FBXL7: variants seen among roughly 807,000 people sequenced by gnomAD.
The protein encoded by FBXL7 is F-box/LRR-repeat protein 7.
In FBXL7, 12 loss-of-function variants were observed where a neutral mutation model predicts 38.3. That is an observed-to-expected ratio of 0.31 (90% confidence interval 0.20 to 0.51). The LOEUF is 0.51. FBXL7 is among the 20% of genes least tolerant of loss of function. The probability of loss-of-function intolerance (pLI) is 0.98; values close to 1 mark genes in which losing one functional copy is unlikely to be tolerated. For missense variants in FBXL7, 567 were observed against 676.4 expected, an observed-to-expected ratio of 0.84 and a Z score of 1.79; for synonymous variants, 297 against 300.9, an observed-to-expected ratio of 0.99 and a Z score of 0.13.
At chr5:15,509,458 C>T (rs1736734015) in intron 1 of FBXL7, among the ~76,000 whole-genome samples, 1 of 152,116 alleles carries the variant, frequency 6.6e-6, no homozygotes, top group Non-Finnish European at 1.5e-5. Flanking sequence ...CTCTACTTCC[C>T]CAGTGTGCTA....
intron 2 of FBXL7, among the ~76,000 whole-genome samples, chr5:15,698,786 C>T (rs1743426769): frequency 6.6e-6 from 1 of 152,152 alleles, no homozygotes; most frequent in Non-Finnish European, 1.5e-5. Flanking sequence ...AGGTTAAAAT[C>T]AAAGGATAGC....
intron 2 of FBXL7, among the ~76,000 whole-genome samples, chr5:15,864,019 G>T (rs1301752896): frequency 6.6e-6 from 1 of 151,976 alleles, no homozygotes; most frequent in Non-Finnish European, 1.5e-5. Flanking sequence ...TGCTAAGAAT[G>T]GATGAAAATA....
rs541603835 is a variant in FBXL7, at chr5:15,572,920, T to G, written c.38-43063T>G. On this transcript the variant is annotated intron_variant, in intron 1 of 3. Transcript: ENST00000504595. ...AAAGGAAGACCTCTCTTGATTTATG[T>G]TGAACCAGGTTTACCCCTGTAAGCG... Among the ~76,000 whole-genome samples, 5 of 152,302 alleles carry G rather than the reference T, an allele frequency of 3.3e-5. No homozygotes were observed. The East Asian group carries it at 9.7e-4, about 29-fold the overall frequency.
At chr5:15,647,443 G>A (rs183071435) in intron 2 of FBXL7, among the ~76,000 whole-genome samples, 86 of 152,264 alleles carry the variant, frequency 5.6e-4, no homozygotes, top group Non-Finnish European at 9.3e-4. Flanking sequence ...AGTTCCATCT[G>A]TCTCAAATAG....
At chr5:15,676,429 T>C (rs1742656838) in intron 2 of FBXL7, among the ~76,000 whole-genome samples, 1 of 152,218 alleles carries the variant, frequency 6.6e-6, no homozygotes, top group South Asian at 2.1e-4. Flanking sequence ...ACTTTGTAAT[T>C]TGAGAAGCAG....
chr5:15,620,925 T>C (rs1300464478), intron 2 of FBXL7, among the ~76,000 whole-genome samples: 2 of 152,210 alleles, frequency 1.3e-5, no homozygotes, highest in African/African-American at 4.8e-5. Context: ...CCAACCCTAA[T>C]GGTAAAGACA....
At chr5:15,872,535 C>A (rs1378421830) in intron 2 of FBXL7, among the ~76,000 whole-genome samples, 5 of 152,004 alleles carry the variant, frequency 3.3e-5, no homozygotes, top group Non-Finnish European at 1.5e-5. Context: ...TTCAGGAGAC[C>A]CATCTCATGT....
intron 2 of FBXL7, among the ~76,000 whole-genome samples, chr5:15,689,815 G>T: frequency 6.6e-6 from 1 of 152,122 alleles, no homozygotes; most frequent in Non-Finnish European, 1.5e-5. Context: ...AACTAATAAT[G>T]AATATAACTG....
At chr5:15,536,665 A>C (rs2126400653) in intron 1 of FBXL7, among the ~76,000 whole-genome samples, 1 of 152,212 alleles carries the variant, frequency 6.6e-6, no homozygotes, top group South Asian at 2.1e-4. Flanking sequence ...GAAATAACTA[A>C]CTTGCTTTTG....
chr5:15,508,492 G>T (rs1435959686), intron 1 of FBXL7, among the ~76,000 whole-genome samples: 1 of 152,202 alleles, frequency 6.6e-6, no homozygotes, highest in African/African-American at 2.4e-5. Flanking sequence ...TGCCCAAATC[G>T]TAGCTGGGCT....
At chr5:15,742,491 G>A (rs1014853179) in intron 2 of FBXL7, among the ~76,000 whole-genome samples, 6 of 152,134 alleles carry the variant, frequency 3.9e-5, no homozygotes, top group East Asian at 1.9e-4. Flanking sequence ...GTGTAGGCAT[G>A]TGGTAGGCAT....
chr5:15,536,030 T>G (rs1409527501), intron 1 of FBXL7, among the ~76,000 whole-genome samples: 1 of 152,228 alleles, frequency 6.6e-6, no homozygotes, highest in Non-Finnish European at 1.5e-5. Context: ...TCCCACCTGC[T>G]CCAGCTCAGG....
chr5:15,657,792 C>T (rs894343671), intron 2 of FBXL7, among the ~76,000 whole-genome samples: 3 of 151,780 alleles, frequency 2.0e-5, no homozygotes, highest in African/African-American at 7.3e-5. Context: ...GAGCCGAGAT[C>T]ACGGCATTGC....
rs1165744789 is a variant in FBXL7, at chr5:15,938,760, TTA to T, written c.*1576_*1577del. On this transcript the variant is annotated 3_prime_UTR_variant, in exon 4 of 4. Transcript: ENST00000504595. ...TAAATGGATGAAACTTCAAATTATC[TTA>T]TTTGGATAGAAGTCTATATTCTAGC... The T allele has an allele frequency of 5.3e-6, 2 of 379,658 alleles. No homozygotes were observed. The highest frequency in any genetic ancestry group is 4.1e-5 in the African/African-American group (2 of 48,258). 23.5% of individuals were successfully genotyped at this position (379,658 alleles called of 1,614,324 possible). A position where few individuals can be genotyped will look rare whatever the true frequency, so the allele number is the denominator to read the frequency against.
At chr5:15,675,666 G>T (rs1742629454) in intron 2 of FBXL7, among the ~76,000 whole-genome samples, 1 of 152,188 alleles carries the variant, frequency 6.6e-6, no homozygotes, top group Non-Finnish European at 1.5e-5. Context: ...TTAAATACCT[G>T]CTAATATGCG....
At chr5:15,735,301 C>G (rs75465016) in intron 2 of FBXL7, among the ~76,000 whole-genome samples, 13,647 of 152,114 alleles carry the variant, frequency 0.09, 743 homozygotes, top group South Asian at 0.15. Context: ...GATTAATAGA[C>G]TAGGTAGAGA....
intron 3 of FBXL7, among the ~76,000 whole-genome samples, chr5:15,932,347 A>G (rs763896293): frequency 6.6e-6 from 1 of 152,168 alleles, no homozygotes; most frequent in African/African-American, 2.4e-5. Flanking sequence ...GGAAGTCAGC[A>G]GTTGTTCTTC....
At chr5:15,537,277 C>A (rs947713388) in intron 1 of FBXL7, among the ~76,000 whole-genome samples, 1 of 152,118 alleles carries the variant, frequency 6.6e-6, no homozygotes, top group Non-Finnish European at 1.5e-5. Context: ...AATATCTTTT[C>A]ATATGCTTAT....
At chr5:15,707,219 TAAGA>T (rs1743716508) in intron 2 of FBXL7, among the ~76,000 whole-genome samples, 1 of 143,650 alleles carries the variant, frequency 7.0e-6, no homozygotes, top group East Asian at 2.1e-4. Context: ...GCAAGTTTAT[TAAGA>T]AAGTAAAGGA....
Sources: gnomAD v4.1 joint callset for allele counts (sites outside exome capture counted in the v4.1 genomes callset) on GRCh38, gnomAD v4.1.1 for gene constraint, MANE v1.5 for transcripts, NCBI Gene and HGNC (gene_info 2026-07-23, HGNC 2026-07-21) for gene names.